DDX5: variants seen among roughly 807,000 people sequenced by gnomAD.
DDX5 encodes the protein DEAD-box helicase 5.
In DDX5, 6 loss-of-function variants were observed where a neutral mutation model predicts 68.6. That is an observed-to-expected ratio of 0.09 (90% confidence interval 0.05 to 0.17). The LOEUF is 0.17. Among genes scored for constraint, DDX5 ranks in the 10% least tolerant of loss-of-function variants. The pLI, the probability that DDX5 is intolerant of heterozygous loss-of-function variation, is 1.00. For missense variants in DDX5, 499 were observed against 756.1 expected (o/e 0.66, Z 3.99); for synonymous variants, 350 against 247.0 (o/e 1.42, Z -3.91).
intron 1 of DDX5, 83 bp downstream of exon 1, chr17:64,505,993 G>C: frequency 6.5e-7 from 1 of 1,542,292 alleles, no homozygotes; most frequent in East Asian, 2.4e-5. Flanking sequence ...AGTCCAAGCC[G>C]CAAAGCCCCC....
At chr17:64,506,525 C>T (rs2038535190), upstream of DDX5, 1 of 644,210 alleles carries the variant, frequency 1.6e-6, no homozygotes, top group South Asian at 2.2e-5. Context: ...TTCTTCTGGT[C>T]TTTCCACACC....
chr17:64,503,848 G>A lies in DDX5; in HGVS notation c.462C>T (p.Val154=), dbSNP rs1555671560. Residue 154 remains valine (V), a synonymous_variant, in exon 5 of 13, where the codon GTC becomes GTT. Coordinates refer to ENST00000225792, the MANE Select transcript of DDX5 (RefSeq NM_004396.5). ...KTLSYLLPAI[V]HINHQPFLER... ...CTAGGAATGGCTGATGATTGATGTG[G>A]ACAATGGCAGGAAGCAAATACTATT... is the stretch of plus-strand genomic sequence containing the variant. 1.2e-6 allele frequency: 2 copies of A among 1,614,226 alleles called. No homozygotes were observed. Among genetic ancestry groups the A allele is most frequent in the Non-Finnish European group, 1.7e-6 (2 of 1,180,038 alleles).
At position 64,498,812 on chromosome 17, in the gene DDX5, C is replaced by A. The variant is rs1183704129; in HGVS notation, c.*1111G>T. On this transcript the variant is annotated 3_prime_UTR_variant, in exon 13 of 13. Coordinates refer to ENST00000225792, the MANE Select transcript of DDX5 (RefSeq NM_004396.5). ...GAGCCGAAGTTAAACCTAAAGCTAT[C>A]CCCTGGATCTTTCTAGCAATAAACC... Among the ~76,000 whole-genome samples, 39 of 152,168 alleles carry A rather than the reference C, an allele frequency of 2.6e-4. No homozygotes were observed. The highest frequency in any genetic ancestry group is 9.4e-4 in the African/African-American group (39 of 41,424).
chr17:64,501,935 GCAA>G, intron 11 of DDX5, 72 bp downstream of exon 11: 2 of 1,454,110 alleles, frequency 1.4e-6, no homozygotes, highest in Non-Finnish European at 1.9e-6. Context: ...GTTAAAGAAA[GCAA>G]TAAACTTTCT....
At chr17:64,506,018 T>C (rs1412133597) in intron 1 of DDX5, 58 bp downstream of exon 1, 4 of 1,309,622 alleles carry the variant, frequency 3.1e-6, no homozygotes, top group East Asian at 2.8e-5. Flanking sequence ...GCCGCCACCC[T>C]GACCCGCCCT....
At chr17:64,504,364 CT>C in intron 2 of DDX5, 46 bp from the exon 3 acceptor site, 1 of 1,493,266 alleles carries the variant, frequency 6.7e-7, no homozygotes, top group Non-Finnish European at 9.3e-7. Flanking sequence ...ACAACCACCC[CT>C]AGCTAAATAC....
chr17:64,503,800 T>C lies in DDX5; in HGVS notation c.507+3A>G, dbSNP rs368920180. 76 of 1,612,456 alleles carry C rather than the reference T, an allele frequency of 4.7e-5. No homozygotes were observed. Among genetic ancestry groups the C allele is most frequent in the Admixed American group, 1.0e-4 (6 of 59,646 alleles). Reference sequence around the variant, plus strand: ...TAATAAAAAGTTAAAAATATATACTTACAATAGGCCCATCGCCTCTCTCTA... The same window carrying C: ...TAATAAAAAGTTAAAAATATATACTCACAATAGGCCCATCGCCTCTCTCTA... On this transcript the variant is annotated splice_donor_region_variant and intron_variant, in intron 5 of 12. Transcript: ENST00000225792.
At chr17:64,504,633 C>T in intron 2 of DDX5, 44 bp downstream of exon 2, 1 of 1,553,454 alleles carries the variant, frequency 6.4e-7, no homozygotes, top group Non-Finnish European at 8.7e-7. Context: ...TACTAGAATC[C>T]ACGATCGAGT....
intron 1 of DDX5, 148 bp from the exon 2 acceptor site, chr17:64,504,990 C>T: frequency 1.6e-6 from 1 of 622,546 alleles, no homozygotes; most frequent in Non-Finnish European, 2.5e-6. Context: ...AAATCTCTCT[C>T]TCTCTCAACA....
Position 64,503,113 on chromosome 17 carries a change from G to A in DDX5, c.811-15C>T. The A allele has an allele frequency of 6.2e-7, 1 of 1,611,488 alleles. No homozygotes were observed. The highest frequency in any genetic ancestry group is 8.5e-7 in the Non-Finnish European group (1 of 1,178,256). On this transcript the variant is annotated splice_polypyrimidine_tract_variant and intron_variant, in intron 7 of 12. Coordinates refer to ENST00000225792, the MANE Select transcript of DDX5 (RefSeq NM_004396.5). ...TGCCTATCAGGCTAATGGATTTTGG[G>A]GGGAAAAATTAGTATCAGACTCTTA...
intron 11 of DDX5, 128 bp from the exon 12 acceptor site, chr17:64,500,901 A>C (rs528699677): frequency 8.9e-6 from 6 of 671,700 alleles, no homozygotes; most frequent in Non-Finnish European, 1.3e-5. Context: ...AATACAGTTA[A>C]AATGGTTATC....
Position 64,506,250 on chromosome 17 carries a change from C to T in DDX5, c.-131G>A. Reference sequence around the variant, plus strand: ...GAGGAAGGACACCGATGACACCAGCCGAAGCTGCACTACTAGAGACCGGTA... The same window carrying T: ...GAGGAAGGACACCGATGACACCAGCTGAAGCTGCACTACTAGAGACCGGTA... On this transcript the variant is annotated 5_prime_UTR_variant, in exon 1 of 13. Coordinates refer to ENST00000225792, the MANE Select transcript of DDX5 (RefSeq NM_004396.5). The T allele has an allele frequency of 1.1e-5, 17 of 1,547,528 alleles. No individual in the cohort carries two copies. Among genetic ancestry groups the T allele is most frequent in the Non-Finnish European group, 1.5e-5 (17 of 1,146,904 alleles).
chr17:64,506,470 C>T (rs1296883238), upstream of DDX5: 2 of 1,178,866 alleles, frequency 1.7e-6, no homozygotes, highest in African/African-American at 1.5e-5. Context: ...GGTCAGGGCC[C>T]ACCCACCATT....
intron 1 of DDX5, chr17:64,505,559 T>A: frequency 1.5e-6 from 1 of 650,348 alleles, no homozygotes. Context: ...CATTTTGAGC[T>A]CCTCCGCCGG....
rs556097334 is a variant in DDX5, at chr17:64,498,638, A to G, written c.*1285T>C. On this transcript the variant is annotated 3_prime_UTR_variant, in exon 13 of 13. Transcript: ENST00000225792. ...CATTTGACATAAGGCATTAACATCA[A>G]TTAAAGCCTCAGTTTAATAATCAGA... 1.8e-4 allele frequency among the ~76,000 whole-genome samples: 28 copies of G among 152,314 alleles called. No individual in the cohort carries two copies. The highest frequency in any genetic ancestry group is 6.5e-4 in the African/African-American group (27 of 41,568).
Position 64,504,292 on chromosome 17 carries a change from G to A in DDX5, c.237C>T (p.Ser79=), listed in dbSNP as rs782514511. Residue 79 remains serine (S), a synonymous_variant, in exon 3 of 13, where the codon AGC becomes AGT. Transcript: ENST00000225792. ...TAQEVETYRR[S]KEITVRGHNC... Reference sequence around the variant, plus strand: ...TGTGACCTCTAACTGTAATTTCCTTGCTTCTTCTGTATGTTTCCACCTCTT... The same window carrying A: ...TGTGACCTCTAACTGTAATTTCCTTACTTCTTCTGTATGTTTCCACCTCTT... 5.6e-6 allele frequency: 9 copies of A among 1,613,844 alleles called. No homozygotes were observed. Among genetic ancestry groups the A allele is most frequent in the Non-Finnish European group, 7.6e-6 (9 of 1,179,992 alleles).
intron 12 of DDX5, 68 bp downstream of exon 12, chr17:64,500,481 C>A: frequency 6.5e-7 from 1 of 1,545,716 alleles, no homozygotes; most frequent in Non-Finnish European, 8.9e-7. Context: ...CCTCCAATAC[C>A]ATTTAAATGG....
At chr17:64,506,785 G>C (rs997496302), upstream of DDX5, 3 of 534,528 alleles carry the variant, frequency 5.6e-6, no homozygotes, top group African/African-American at 5.8e-5. Flanking sequence ...CCCGGGACCC[G>C]CCCGGGCTGC....
At chr17:64,505,972 C>A in intron 1 of DDX5, 104 bp downstream of exon 1, 1 of 1,540,592 alleles carries the variant, frequency 6.5e-7, no homozygotes, top group East Asian at 2.4e-5. Context: ...CAAGATAGCC[C>A]GGAAAGGCCA....
Sources: allele counts gnomAD v4.1 joint callset (sites outside exome capture counted in the v4.1 genomes callset), GRCh38; gene constraint gnomAD v4.1.1; transcripts MANE v1.5; gene names NCBI Gene and HGNC (gene_info 2026-07-23, HGNC 2026-07-21).